ITLN1: variants seen among roughly 807,000 people sequenced by gnomAD.
ITLN1 encodes intelectin 1, also known as intelectin-1.
ITLN1 carries 29 observed loss-of-function variants against 36.2 expected under a neutral mutation model. The ratio of observed to expected loss-of-function variants is 0.80; its 90% CI spans 0.60 to 1.09. ITLN1 has a LOEUF of 1.09. ITLN1 is among the 50% of genes least tolerant of loss of function. The pLI, the probability that ITLN1 is intolerant of heterozygous loss-of-function variation, is 0.00. For missense variants in ITLN1, 358 were observed against 405.2 expected (o/e 0.88, Z 1.00); for synonymous variants, 143 against 146.5 (o/e 0.98, Z 0.17).
At chr1:160,878,868 C>T (rs991778505) in intron 7 of ITLN1, among the ~76,000 whole-genome samples, 11 of 152,136 alleles carry the variant, frequency 7.2e-5, no homozygotes, top group Admixed American at 5.2e-4. Flanking sequence ...CTCCCCAGTG[C>T]AGTGTGTATC....
At chr1:160,883,600 G>A (rs1670713804) in intron 2 of ITLN1, 74 bp from the exon 3 acceptor site, 4 of 1,042,768 alleles carry the variant, frequency 3.8e-6, no homozygotes, top group Middle Eastern at 2.1e-4. Context: ...CTAGTCCCAC[G>A]CTCATTCCAC....
chr1:160,880,823 T>C, intron 5 of ITLN1, 115 bp from the exon 6 acceptor site: 1 of 1,243,190 alleles, frequency 8.0e-7, no homozygotes, highest in East Asian at 2.3e-5. Context: ...GTAACTGAGA[T>C]TACTTCAAAA....
Position 160,883,489 on chromosome 1 carries a change from A to C in ITLN1, c.96T>G (p.Ser32=). 6.2e-7 allele frequency: 1 copy of C among 1,613,542 alleles called. No individual in the cohort carries two copies. Among genetic ancestry groups the C allele is most frequent in the Non-Finnish European group, 8.5e-7 (1 of 1,179,484 alleles). ...AGCTTCTGGGCAGAGATGGAGACGA[A>C]GAACAGGTCCATTCCTTGAAGTAAG... ...ANTYFKEWTC[S]SSPSLPRSCK... is the part of the protein sequence containing the mutation. The change falls in exon 3 of 8, where the codon TCT becomes TCG. Residue 32 remains serine (S), a synonymous_variant. Transcript: ENST00000326245.
chr1:160,877,287 C>T (rs551308862), intron 7 of ITLN1, among the ~76,000 whole-genome samples: 2 of 151,982 alleles, frequency 1.3e-5, no homozygotes, highest in South Asian at 4.2e-4. Context: ...ACATTATTGT[C>T]TTGACTTCCT....
At chr1:160,884,406 A>T (rs1311964751) in intron 2 of ITLN1, among the ~76,000 whole-genome samples, 189 of 152,230 alleles carry the variant, frequency 1.2e-3, no homozygotes, top group African/African-American at 4.5e-3. Context: ...TTTTCTTTAA[A>T]AAAAAAATTT....
intron 2 of ITLN1, among the ~76,000 whole-genome samples, chr1:160,884,277 A>G (rs1350606991): frequency 1.3e-5 from 2 of 152,156 alleles, no homozygotes; most frequent in Non-Finnish European, 2.9e-5. Flanking sequence ...AACTATTCGA[A>G]CAGTCTAGGG....
intron 5 of ITLN1, 152 bp downstream of exon 5, chr1:160,881,002 G>C (rs1670667241): frequency 4.2e-6 from 4 of 954,846 alleles, no homozygotes; most frequent in Non-Finnish European, 6.1e-6. Context: ...GCCTGGCTTA[G>C]AATTCCTAAG....
chr1:160,881,667 A>G, intron 4 of ITLN1: 1 of 541,280 alleles, frequency 1.8e-6, no homozygotes, highest in East Asian at 3.3e-5. Context: ...AAATTCGCTG[A>G]GTATGGTAGT....
chr1:160,881,707 G>A lies in ITLN1; in HGVS notation c.405+250C>T, dbSNP rs892530225. ...GCTTGTAGTCCCAGCTACTTTTGAG[G>A]CAGAGGATCACTTGAACCCAGGAGG... is the stretch of plus-strand genomic sequence containing the variant. On this transcript the variant is annotated intron_variant, in intron 4 of 7. Transcript: ENST00000326245. Among the ~76,000 whole-genome samples, 3 of 150,528 alleles carry A rather than the reference G, an allele frequency of 2.0e-5. No homozygotes were observed. The East Asian group carries it at 5.8e-4, about 29-fold the overall frequency.
At chr1:160,882,249 G>C in intron 3 of ITLN1, 45 bp from the exon 4 acceptor site, 3 of 1,530,506 alleles carry the variant, frequency 2.0e-6, no homozygotes, top group Non-Finnish European at 1.8e-6. Context: ...GAGAGCTGAG[G>C]GTTCATTTCA....
Position 160,882,155 on chromosome 1 carries a change from G to A in ITLN1, c.207C>T (p.Phe69=), listed in dbSNP as rs1235425383. 6.2e-7 allele frequency: 1 copy of A among 1,610,304 alleles called. No individual in the cohort carries two copies. Among genetic ancestry groups the A allele is most frequent in the Admixed American group, 1.7e-5 (1 of 59,836 alleles). The change falls in exon 4 of 8, where the codon TTC becomes TTT. Residue 69 remains phenylalanine (F), a synonymous_variant. Transcript: ENST00000326245. ...CGCCACCCCCAGAGGTCATGTCACA[G>A]AAGGTCTGGTAGATAACACCATTCT... is the stretch of plus-strand genomic sequence containing the variant. The part of the protein sequence containing the change: ...RTENGVIYQT[F]CDMTSGGGGW...
chr1:160,879,898 C>A (rs1010544613), intron 6 of ITLN1, among the ~76,000 whole-genome samples: 3 of 152,118 alleles, frequency 2.0e-5, no homozygotes, highest in Non-Finnish European at 4.4e-5. Flanking sequence ...AATAAACTCA[C>A]AATAGAAAAA....
chr1:160,883,048 A>T (rs1199119961), intron 3 of ITLN1, among the ~76,000 whole-genome samples: 1 of 152,050 alleles, frequency 6.6e-6, no homozygotes, highest in Non-Finnish European at 1.5e-5. Context: ...TTTGTATTTT[A>T]GTAGAGACAG....
rs1670686619 is a variant in ITLN1 at position 160,881,988 on chromosome 1, G to A, written c.374C>T (p.Ser125Phe). The change falls in exon 4 of 8, where the codon TCT becomes TTT. Residue 125 changes from serine to phenylalanine, a missense_variant. By Grantham distance (155) the Ser-to-Phe change is radical (BLOSUM62 -2). Coordinates refer to ENST00000326245, the MANE Select transcript of ITLN1 (RefSeq NM_017625.3). ...GTCATCGCTCGTGGCCGCCTCTGCAGATCCAAAGGTGTTGTAGTTGGCCCA... is the reference window on the plus strand; with the variant it reads ...GTCATCGCTCGTGGCCGCCTCTGCAAATCCAAAGGTGTTGTAGTTGGCCCA... Reference protein sequence around the residue: ...GNWANYNTFGSAEAATSDDYK... With the variant: ...GNWANYNTFGFAEAATSDDYK... 6.2e-7 allele frequency: 1 copy of A among 1,614,000 alleles called. No individual in the cohort carries two copies. Among genetic ancestry groups the A allele is most frequent in the Non-Finnish European group, 8.5e-7 (1 of 1,180,036 alleles).
intron 3 of ITLN1, 73 bp from the exon 4 acceptor site, chr1:160,882,277 G>T (rs1670693953): frequency 2.0e-6 from 3 of 1,512,782 alleles, no homozygotes; most frequent in Non-Finnish European, 2.7e-6. Context: ...GACAAGAAAG[G>T]CCCTAGGAAC....
In ITLN1 at chr1:160,884,949, C is replaced by T; in HGVS notation, c.-6-66G>A. On this transcript the variant is annotated intron_variant, in intron 1 of 7. Coordinates refer to ENST00000326245, the MANE Select transcript of ITLN1 (RefSeq NM_017625.3). Reference sequence around the variant, plus strand: ...TTTTCTCTACATCCCTGCCCCACCCCTGTCCAGTCTTACAAAGACTCCAAA... The same window carrying T: ...TTTTCTCTACATCCCTGCCCCACCCTTGTCCAGTCTTACAAAGACTCCAAA... 2.9e-6 allele frequency: 3 copies of T among 1,030,036 alleles called. No homozygotes were observed. The East Asian group carries it at 7.1e-5, about 24-fold the overall frequency. The allele number at this position is 1,030,036 out of a possible 1,614,324, so 63.8% of individuals were successfully genotyped here.
chr1:160,879,223 T>A (rs1670639334), intron 7 of ITLN1, 88 bp downstream of exon 7: 5 of 936,938 alleles, frequency 5.3e-6, no homozygotes, highest in Non-Finnish European at 7.0e-6. Context: ...ACCCCAGTCA[T>A]ACCACACTCA....
At position 160,883,524 on chromosome 1, in the gene ITLN1, C is replaced by T; in HGVS notation, c.61G>A (p.Glu21Lys). Residue 21 changes from glutamate to lysine, a missense_variant and splice_region_variant, in exon 3 of 8, where the codon GAG becomes AAG. By Grantham distance (56) the Glu-to-Lys change is moderately conservative (BLOSUM62 1). Transcript: ENST00000326245. ...CATTCCTTGAAGTAAGTATTAGCCT[C>T]ATCTAGGGAATACACAGGGTTTATT... Reference protein sequence around the residue: ...IATTRGWSTDEANTYFKEWTC... With the variant: ...IATTRGWSTDKANTYFKEWTC... The T allele has an allele frequency of 6.3e-7, 1 of 1,599,234 alleles. No individual in the cohort carries two copies. Among genetic ancestry groups the T allele is most frequent in the Non-Finnish European group, 8.6e-7 (1 of 1,166,734 alleles).
At chr1:160,877,392 C>T (rs1670607108) in intron 7 of ITLN1, among the ~76,000 whole-genome samples, 1 of 152,104 alleles carries the variant, frequency 6.6e-6, no homozygotes, top group Non-Finnish European at 1.5e-5. Flanking sequence ...GACCTATCTC[C>T]CTCTCCCTTA....
Sources: allele counts gnomAD v4.1 joint callset (sites outside exome capture counted in the v4.1 genomes callset), GRCh38; gene constraint gnomAD v4.1.1; transcripts MANE v1.5; gene names NCBI Gene and HGNC (gene_info 2026-07-23, HGNC 2026-07-21).